The following CNTNAP2 variants were observed in gnomAD, a reference collection of about 807,000 sequenced individuals.
The protein encoded by CNTNAP2 is contactin-associated protein-like 2.
A neutral mutation model predicts 155.2 loss-of-function variants in CNTNAP2; 98 were observed. The ratio of observed to expected loss-of-function variants is 0.63; its 90% CI spans 0.54 to 0.75. CNTNAP2 has a LOEUF of 0.75. Among genes scored for constraint, CNTNAP2 ranks in the 30% least tolerant of loss-of-function variants. The pLI is 0.00. For missense variants in CNTNAP2, 1,727 were observed against 1,688.1 expected (o/e 1.02, Z -0.40); for synonymous variants, 651 against 631.2 (o/e 1.03, Z -0.47).
At chr7:146,788,160 G>A (rs866564512) in intron 2 of CNTNAP2, among the ~76,000 whole-genome samples, 19 of 152,174 alleles carry the variant, frequency 1.2e-4, no homozygotes, top group Admixed American at 7.8e-4. Context: ...CAGCAGGCGC[G>A]GGCTGGCCAC....
chr7:146,821,915 G>C (rs540286159), intron 2 of CNTNAP2, among the ~76,000 whole-genome samples: 1 of 151,270 alleles, frequency 6.6e-6, no homozygotes, highest in Admixed American at 6.6e-5. Context: ...TCAGTGTGGC[G>C]ATTCCTCAGG....
At chr7:146,774,148 A>C in intron 1 of CNTNAP2, 123 bp from the exon 2 acceptor site, 1 of 746,366 alleles carries the variant, frequency 1.3e-6, no homozygotes, top group Non-Finnish European at 2.3e-6. Flanking sequence ...TCCTTTGCTA[A>C]ATATTGTTTC....
chr7:147,318,448 T>G (rs746630489), intron 9 of CNTNAP2, among the ~76,000 whole-genome samples: 1 of 152,246 alleles, frequency 6.6e-6, no homozygotes, highest in Non-Finnish European at 1.5e-5. Context: ...TTGTTTGTTT[T>G]TTTAAAGACA....
intron 3 of CNTNAP2, among the ~76,000 whole-genome samples, chr7:147,010,116 T>C (rs1191709534): frequency 6.6e-6 from 1 of 151,736 alleles, no homozygotes; most frequent in Admixed American, 6.6e-5. Context: ...TTGAAGTGAT[T>C]CTTCCACCTC....
intron 14 of CNTNAP2, among the ~76,000 whole-genome samples, chr7:147,906,497 ATT>A (rs575324842): frequency 1.4e-5 from 2 of 145,638 alleles, no homozygotes; most frequent in Admixed American, 1.4e-4. Context: ...TTTATTTTTT[ATT>A]TTTTTTTTTG....
At chr7:146,580,201 A>G (rs1305891793) in intron 1 of CNTNAP2, among the ~76,000 whole-genome samples, 7 of 152,152 alleles carry the variant, frequency 4.6e-5, no homozygotes, top group Non-Finnish European at 1.0e-4. Flanking sequence ...AATTTTATCC[A>G]TAACTATCAA....
Position 147,066,873 on chromosome 7 carries a change from A to T in CNTNAP2, c.550+22819A>T, listed in dbSNP as rs187604579. On this transcript the variant is annotated intron_variant, in intron 4 of 23. Transcript: ENST00000361727. ...ATTTCTTATAGTTTTGGGGACTGGA[A>T]ATCTAAGATCAGGGTGCTAGCATCA... Among the ~76,000 whole-genome samples, 448 of 152,286 alleles carry T rather than the reference A, an allele frequency of 2.9e-3. 1 individual carries two copies. Among genetic ancestry groups the T allele is most frequent in the African/African-American group, 0.01 (433 of 41,570 alleles).
chr7:147,066,424 G>A (rs554082098), intron 4 of CNTNAP2, among the ~76,000 whole-genome samples: 1 of 152,096 alleles, frequency 6.6e-6, no homozygotes, highest in Non-Finnish European at 1.5e-5. Flanking sequence ...CTTCTAGATG[G>A]GCTTTCCTTT....
Position 147,504,902 on chromosome 7 carries a change from C to T in CNTNAP2, c.1777+18861C>T, listed in dbSNP as rs552989662. 4.8e-4 allele frequency among the ~76,000 whole-genome samples: 73 copies of T among 151,692 alleles called. 1 individual carries two copies. The highest frequency in any genetic ancestry group is 1.5e-3 in the African/African-American group (62 of 41,360). On this transcript the variant is annotated intron_variant, in intron 11 of 23. Coordinates refer to ENST00000361727, the MANE Select transcript of CNTNAP2 (RefSeq NM_014141.6). ...AGGGAAAATCTGTCCTTTGCTTCCC[C>T]GACCATTTTGAATGTGATTAAATAT...
intron 1 of CNTNAP2, among the ~76,000 whole-genome samples, chr7:146,164,870 A>G (rs1798288589): frequency 6.6e-6 from 1 of 152,184 alleles, no homozygotes; most frequent in African/African-American, 2.4e-5. Flanking sequence ...TTATATTCCT[A>G]ATCTTTCAGG....
chr7:147,723,002 T>C (rs1050948506), intron 13 of CNTNAP2, among the ~76,000 whole-genome samples: 1 of 152,078 alleles, frequency 6.6e-6, no homozygotes, highest in African/African-American at 2.4e-5. Flanking sequence ...TTTCTAGCTC[T>C]AGAGAGACCT....
intron 10 of CNTNAP2, among the ~76,000 whole-genome samples, chr7:147,452,106 T>C (rs979319363): frequency 7.2e-5 from 11 of 152,208 alleles, no homozygotes; most frequent in Non-Finnish European, 1.2e-4. Flanking sequence ...GTATAATTCA[T>C]GGGTAGAAAA....
intron 14 of CNTNAP2, among the ~76,000 whole-genome samples, chr7:147,959,943 C>T (rs1199274438): frequency 6.6e-6 from 1 of 152,122 alleles, no homozygotes; most frequent in African/African-American, 2.4e-5. Context: ...TTTGAGTGGC[C>T]TCTCATCCTA....
At chr7:146,483,181 C>A (rs897315779) in intron 1 of CNTNAP2, among the ~76,000 whole-genome samples, 6 of 148,634 alleles carry the variant, frequency 4.0e-5, no homozygotes, top group African/African-American at 1.2e-4. Context: ...GGGGCTGAGG[C>A]AGGAGAATGG....
chr7:148,315,520 G>A (rs1489096478), intron 21 of CNTNAP2, among the ~76,000 whole-genome samples: 2 of 152,138 alleles, frequency 1.3e-5, no homozygotes, highest in Non-Finnish European at 2.9e-5. Context: ...TTCTTTTGTA[G>A]TGGAATGTCA....
At chr7:147,784,709 T>A (rs1293634594) in intron 13 of CNTNAP2, among the ~76,000 whole-genome samples, 2 of 150,608 alleles carry the variant, frequency 1.3e-5, no homozygotes, top group African/African-American at 2.4e-5. Flanking sequence ...TTGTGTTTTT[T>A]TATATATATA....
At chr7:146,560,501 T>C (rs1487180972) in intron 1 of CNTNAP2, among the ~76,000 whole-genome samples, 1 of 151,816 alleles carries the variant, frequency 6.6e-6, no homozygotes, top group Non-Finnish European at 1.5e-5. Flanking sequence ...TGGCTAAGAG[T>C]TTCTTATAAG....
At chr7:148,312,915 TG>T (rs1204942930) in intron 21 of CNTNAP2, among the ~76,000 whole-genome samples, 1 of 66,584 alleles carries the variant, frequency 1.5e-5, no homozygotes, top group African/African-American at 6.1e-5. Flanking sequence ...GAGATACAAG[TG>T]GGGGGGATGT....
At chr7:146,378,379 CGAT>C (rs754671147) in intron 1 of CNTNAP2, among the ~76,000 whole-genome samples, 4 of 151,966 alleles carry the variant, frequency 2.6e-5, no homozygotes, top group South Asian at 2.1e-4. Context: ...TAGATCATGA[CGAT>C]GATGATGATG....
Sources: allele counts gnomAD v4.1 joint callset (sites outside exome capture counted in the v4.1 genomes callset), GRCh38; gene constraint gnomAD v4.1.1; transcripts MANE v1.5; gene names NCBI Gene and HGNC (gene_info 2026-07-23, HGNC 2026-07-21).